Variants in IKBKE observed in about 807,000 individuals in gnomAD.
The protein encoded by IKBKE is inhibitor of nuclear factor kappa-B kinase subunit epsilon.
In IKBKE, 45 loss-of-function variants were observed where a neutral mutation model predicts 92.1. The observed-to-expected ratio is 0.49, with a 90% CI of 0.38 to 0.63. The LOEUF (loss-of-function observed/expected upper bound fraction) is 0.63. IKBKE is among the 20% of genes least tolerant of loss of function. The pLI is 0.00. For synonymous variants in IKBKE, 374 were observed against 380.3 expected (o/e 0.98, Z 0.19); for missense variants, 700 against 932.8 (o/e 0.75, Z 3.25).
intron 3 of IKBKE, 99 bp from the exon 4 acceptor site, chr1:206,474,232 A>G: frequency 8.4e-7 from 1 of 1,191,228 alleles, no homozygotes; most frequent in African/African-American, 1.5e-5. Context: ...CTGGCCGGAG[A>G]GGCTGAATGG....
At chr1:206,483,050 G>A (rs1209834726) in intron 13 of IKBKE, among the ~76,000 whole-genome samples, 2 of 152,214 alleles carry the variant, frequency 1.3e-5, no homozygotes, top group Non-Finnish European at 2.9e-5. Flanking sequence ...GGCCCTCCTG[G>A]GCAGCTGCTG....
At position 206,493,977 on chromosome 1, in the gene IKBKE, C is replaced by T; in HGVS notation, c.2103C>T (p.Asn701=). 6.2e-7 allele frequency: 1 copy of T among 1,614,006 alleles called. No homozygotes were observed. The highest frequency in any genetic ancestry group is 8.5e-7 in the Non-Finnish European group (1 of 1,179,882). ...KLLASDLLDN[N]RIIERLNRVP... ...TGGCATCTGACCTCCTGGACAACAA[C>T]CGCATCATCGAACGGTAAGGAGCTT... The change falls in exon 21 of 22, where the codon AAC becomes AAT. Residue 701 remains asparagine (N), a synonymous_variant. Coordinates refer to ENST00000581977, the MANE Select transcript of IKBKE (RefSeq NM_014002.4).
chr1:206,492,186 G>A (rs1665979959), intron 18 of IKBKE: 1 of 337,042 alleles, frequency 3.0e-6, no homozygotes, highest in African/African-American at 2.2e-5. Flanking sequence ...TCCTTTAGGA[G>A]AACACTAGGT....
intron 13 of IKBKE, among the ~76,000 whole-genome samples, chr1:206,482,431 T>C (rs1214971031): frequency 6.6e-6 from 1 of 152,278 alleles, no homozygotes; most frequent in Non-Finnish European, 1.5e-5. Context: ...TGGACAGGCA[T>C]GGTGGGGAAT....
intron 15 of IKBKE, among the ~76,000 whole-genome samples, chr1:206,486,755 G>A (rs781882446): frequency 3.3e-4 from 50 of 149,742 alleles, no homozygotes; most frequent in Middle Eastern, 3.5e-3. Flanking sequence ...TGAAGGCTGC[G>A]GATCCCAGGC....
chr1:206,489,874 A>C (rs782701447), intron 16 of IKBKE, among the ~76,000 whole-genome samples: 3 of 152,222 alleles, frequency 2.0e-5, no homozygotes, highest in Non-Finnish European at 4.4e-5. Context: ...TTGGTCTTTA[A>C]GAGTCCTTTA....
In IKBKE at chr1:206,478,030, C is replaced by T; in HGVS notation, c.813-130C>T. ...AACGAGTTCTTCCAGCTCTTCCTCCCCAACCCACCCTGCCCCACCATCTTG... is the reference window on the plus strand; with the variant it reads ...AACGAGTTCTTCCAGCTCTTCCTCCTCAACCCACCCTGCCCCACCATCTTG... On this transcript the variant is annotated intron_variant, in intron 8 of 21. Transcript: ENST00000581977. The surrounding 1 kb of genome is among the most constrained non-coding windows in gnomAD (Gnocchi z 4.8). 1 of 810,540 alleles carries T rather than the reference C, an allele frequency of 1.2e-6. No individual in the cohort carries two copies. The highest frequency in any genetic ancestry group is 1.7e-5 in the South Asian group (1 of 60,572). 50.2% of individuals were successfully genotyped at this position (810,540 alleles called of 1,614,324 possible).
chr1:206,477,455 T>C (rs782420672), intron 7 of IKBKE, among the ~76,000 whole-genome samples: 2 of 151,984 alleles, frequency 1.3e-5, no homozygotes, highest in African/African-American at 2.4e-5. Flanking sequence ...ACTGGGGCCA[T>C]GCATAGCATG....
In IKBKE at chr1:206,478,467, G is replaced by A. The variant is rs750706845; in HGVS notation, c.992+128G>A. 57 of 952,998 alleles carry A rather than the reference G, an allele frequency of 6.0e-5. No individual in the cohort carries two copies. Among genetic ancestry groups the A allele is most frequent in the Non-Finnish European group, 8.5e-5 (53 of 623,154 alleles). The allele number at this position is 952,998 out of a possible 1,614,324, so 59.0% of individuals were successfully genotyped here. A position where few individuals can be genotyped will look rare whatever the true frequency, so the allele number is the denominator to read the frequency against. On this transcript the variant is annotated intron_variant, in intron 9 of 21. Coordinates refer to ENST00000581977, the MANE Select transcript of IKBKE (RefSeq NM_014002.4). This position sits in a 1 kb window ranked among gnomAD's most constrained non-coding sequence, Gnocchi z 4.8. ...CATAGGAACGCTTCCAGGTCCAAAC[G>A]TAGTTGGGAAAAGACTAGTTCTACA...
rs555559367 is a variant in IKBKE, at chr1:206,476,630, C to A, written c.541-48C>A. The A allele has an allele frequency of 5.0e-6, 8 of 1,610,260 alleles. No homozygotes were observed. In the East Asian group the frequency reaches 1.8e-4, roughly 36 times the overall value. ...AAGGGGGTCTGACAGGTCTCAGGCC[C>A]TTGCCAGCCCTCCGGCTCCATGGCC... On this transcript the variant is annotated intron_variant, in intron 6 of 21. Coordinates refer to ENST00000581977, the MANE Select transcript of IKBKE (RefSeq NM_014002.4). The surrounding 1 kb of genome is among the most constrained non-coding windows in gnomAD (Gnocchi z 5.1).
intron 2 of IKBKE, among the ~76,000 whole-genome samples, chr1:206,472,586 C>G (rs1664834879): frequency 6.8e-6 from 1 of 146,004 alleles, no homozygotes; most frequent in African/African-American, 2.7e-5. Flanking sequence ...CACACACACT[C>G]TCACACACAC....
At chr1:206,480,409 C>G in intron 12 of IKBKE, 38 bp from the exon 13 acceptor site, 1 of 1,540,520 alleles carries the variant, frequency 6.5e-7, no homozygotes, top group African/African-American at 1.4e-5. Context: ...CTGAGTCCCC[C>G]GATCAAGGCA....
At chr1:206,473,794 T>C (rs371825237) in intron 3 of IKBKE, among the ~76,000 whole-genome samples, 1 of 151,712 alleles carries the variant, frequency 6.6e-6, no homozygotes, top group Admixed American at 6.6e-5. Context: ...AAACCCTGTC[T>C]CTACTAAAAA....
intron 19 of IKBKE, 49 bp downstream of exon 19, chr1:206,493,168 C>A: frequency 1.3e-6 from 2 of 1,555,886 alleles, no homozygotes; most frequent in Non-Finnish European, 1.8e-6. Flanking sequence ...CAGGCTGGGG[C>A]GCTTGTTACC....
At chr1:206,494,318 A>G (rs1666106564) in intron 21 of IKBKE, among the ~76,000 whole-genome samples, 1 of 152,138 alleles carries the variant, frequency 6.6e-6, no homozygotes, top group African/African-American at 2.4e-5. Flanking sequence ...AATCACAGCC[A>G]TCCTCAGGAT....
In IKBKE at chr1:206,470,978, G is replaced by A. The variant is rs546398812; in HGVS notation, c.-122-178G>A. 1.4e-4 allele frequency among the ~76,000 whole-genome samples: 22 copies of A among 152,328 alleles called. 1 individual carries two copies. In the South Asian group the frequency reaches 3.9e-3, roughly 27 times the overall value. On this transcript the variant is annotated intron_variant, in intron 1 of 21. Transcript: ENST00000581977. The stretch of plus-strand genomic sequence containing the variant: ...GGCCGGAGTCTCAGGAGTAGGAGAC[G>A]CTGGGAAAGGCTCCCTGAACAGTTT...
At chr1:206,495,737 T>C (rs961888763) in intron 21 of IKBKE, among the ~76,000 whole-genome samples, 3 of 152,228 alleles carry the variant, frequency 2.0e-5, no homozygotes, top group Non-Finnish European at 4.4e-5. Context: ...TTTATTTTAG[T>C]GAATTTTCAC....
At chr1:206,493,456 C>A in intron 20 of IKBKE, 78 bp downstream of exon 20, 1 of 1,134,924 alleles carries the variant, frequency 8.8e-7, no homozygotes, top group Non-Finnish European at 1.3e-6. Context: ...AGGTTAGAGC[C>A]TGAGGGGTTT....
At chr1:206,482,340 A>G (rs1665445780) in intron 13 of IKBKE, among the ~76,000 whole-genome samples, 1 of 152,218 alleles carries the variant, frequency 6.6e-6, no homozygotes, top group Admixed American at 6.5e-5. Context: ...AACAACCAGT[A>G]GAGAGCCATT....
Sources: allele counts gnomAD v4.1 joint callset (sites outside exome capture counted in the v4.1 genomes callset), GRCh38; gene constraint gnomAD v4.1.1; non-coding constraint Gnocchi (gnomAD v3.1); transcripts MANE v1.5; gene names NCBI Gene and HGNC (gene_info 2026-07-23, HGNC 2026-07-21).